The following MAP3K19 variants were observed in gnomAD, a reference collection of about 807,000 sequenced individuals.
The protein encoded by MAP3K19 is mitogen-activated protein kinase kinase kinase 19, also known as SPS1/STE20-related protein kinase YSK4.
MAP3K19 carries 91 observed loss-of-function variants against 114.4 expected under a neutral mutation model. That is an observed-to-expected ratio of 0.80 (90% CI 0.67 to 0.95). The LOEUF is 0.95. MAP3K19 is among the 40% of genes least tolerant of loss of function. MAP3K19 has a pLI of 0.00. For synonymous variants in MAP3K19, 518 were observed against 530.5 expected (o/e 0.98, Z 0.32); for missense variants, 1,471 against 1,573.2 (o/e 0.94, Z 1.10).
At chr2:135,004,327 T>C (rs933855905) in intron 6 of MAP3K19, among the ~76,000 whole-genome samples, 1 of 152,220 alleles carries the variant, frequency 6.6e-6, no homozygotes, top group Non-Finnish European at 1.5e-5. Context: ...TCTTTCAGGC[T>C]TAATGGTTTT....
Position 134,981,372 on chromosome 2 carries a change from A to G in MAP3K19, c.3369T>C (p.Ile1123=). Residue 1123 remains isoleucine, a synonymous_variant, in exon 12 of 13, where the codon ATT becomes ATC. Coordinates refer to ENST00000392915, the MANE Select transcript of MAP3K19 (RefSeq NM_025052.5). ...GCAAGCATGTCCCCAAATAGGCCAC[A>G]ATGTTGACATGTTTCAGTGCTTTGA... The part of the protein sequence containing the change: ...DLLKALKHVN[I]VAYLGTCLQE... 11 of 1,614,188 alleles carry G rather than the reference A, an allele frequency of 6.8e-6. No homozygotes were observed. Among genetic ancestry groups the G allele is most frequent in the South Asian group, 1.1e-5 (1 of 91,086 alleles).
intron 5 of MAP3K19, among the ~76,000 whole-genome samples, chr2:135,014,987 T>C (rs1687485725): frequency 6.6e-6 from 1 of 152,230 alleles, no homozygotes; most frequent in Non-Finnish European, 1.5e-5. Flanking sequence ...GGGGCTATTA[T>C]AATAGTGCTG....
At chr2:134,971,892 C>A (rs1683906893) in intron 12 of MAP3K19, among the ~76,000 whole-genome samples, 1 of 145,948 alleles carries the variant, frequency 6.9e-6, no homozygotes, top group Non-Finnish European at 1.5e-5. Flanking sequence ...GTATTTTTTT[C>A]TGTATTTCAT....
chr2:134,971,847 T>A (rs1683903807), intron 12 of MAP3K19, among the ~76,000 whole-genome samples: 1 of 151,978 alleles, frequency 6.6e-6, no homozygotes, highest in Admixed American at 6.5e-5. Context: ...GATTTTATTT[T>A]TTTTTTAACC....
chr2:135,029,415 A>G (rs1422343699), intron 3 of MAP3K19, among the ~76,000 whole-genome samples: 1 of 152,162 alleles, frequency 6.6e-6, no homozygotes, highest in Non-Finnish European at 1.5e-5. Context: ...TTAGATTACA[A>G]TTACAACTGC....
intron 5 of MAP3K19, among the ~76,000 whole-genome samples, chr2:135,014,529 T>C (rs116832180): frequency 1.2e-3 from 187 of 152,322 alleles, no homozygotes; most frequent in African/African-American, 4.4e-3. Flanking sequence ...GTGTCAGATA[T>C]TTGAAGACAT....
At chr2:134,983,523 G>T (rs1452600951) in intron 11 of MAP3K19, 153 bp downstream of exon 11, 1 of 624,874 alleles carries the variant, frequency 1.6e-6, no homozygotes, top group East Asian at 2.8e-5. Context: ...TCCCTCAGTG[G>T]TTGGATTTTC....
intron 2 of MAP3K19, among the ~76,000 whole-genome samples, chr2:135,038,282 T>C (rs950269475): frequency 5.3e-5 from 8 of 152,082 alleles, no homozygotes; most frequent in Admixed American, 1.3e-4. Flanking sequence ...TATGTGTATG[T>C]ATATATTTGT....
At chr2:134,982,726 G>T (rs571011895) in intron 11 of MAP3K19, among the ~76,000 whole-genome samples, 3 of 152,266 alleles carry the variant, frequency 2.0e-5, no homozygotes, top group African/African-American at 7.2e-5. Flanking sequence ...AATAGAGCTG[G>T]TTCAGCTCCC....
At chr2:134,997,282 A>T (rs915354351) in intron 8 of MAP3K19, among the ~76,000 whole-genome samples, 1 of 152,230 alleles carries the variant, frequency 6.6e-6, no homozygotes, top group Non-Finnish European at 1.5e-5. Context: ...GACCTAGAAT[A>T]GTCAAATTCG....
Position 134,981,533 on chromosome 2 carries a change from A to G in MAP3K19, c.3223-15T>C, listed in dbSNP as rs1466875515. The G allele has an allele frequency of 1.9e-6, 3 of 1,552,534 alleles. No homozygotes were observed. The highest frequency in any genetic ancestry group is 2.6e-6 in the Non-Finnish European group (3 of 1,136,292). On this transcript the variant is annotated splice_polypyrimidine_tract_variant and intron_variant, in intron 11 of 12. Coordinates refer to ENST00000392915, the MANE Select transcript of MAP3K19 (RefSeq NM_025052.5). ...CCACAGTATACCTAGAAGCAAATCA[A>G]TAATACCTTGTTATTAAATTAATGA...
At chr2:134,995,767 G>A (rs1173893994) in intron 8 of MAP3K19, among the ~76,000 whole-genome samples, 1 of 152,050 alleles carries the variant, frequency 6.6e-6, no homozygotes, top group East Asian at 1.9e-4. Context: ...ATTGAATATT[G>A]ATTTTAAAAA....
intron 5 of MAP3K19, among the ~76,000 whole-genome samples, chr2:135,018,672 C>CT (rs1468978134): frequency 6.6e-6 from 1 of 152,094 alleles, no homozygotes; most frequent in Non-Finnish European, 1.5e-5. Flanking sequence ...TTCTTTCTTT[C>CT]TTTTTTTACA....
chr2:135,005,682 G>T, intron 5 of MAP3K19, 151 bp from the exon 6 acceptor site: 1 of 630,174 alleles, frequency 1.6e-6, no homozygotes, highest in South Asian at 1.9e-5. Flanking sequence ...TAATAAGAAA[G>T]TATCTGCCCT....
intron 10 of MAP3K19, among the ~76,000 whole-genome samples, chr2:134,985,484 T>G (rs1193041315): frequency 2.6e-5 from 4 of 152,260 alleles, no homozygotes. Context: ...GGAAATGATA[T>G]GCTGTTGATT....
chr2:134,968,694 C>T lies in MAP3K19; in HGVS notation c.3921-3778G>A, dbSNP rs1683613482. Among the ~76,000 whole-genome samples, 2 of 149,806 alleles carry T rather than the reference C, an allele frequency of 1.3e-5. 1 individual carries two copies. The highest frequency in any genetic ancestry group is 4.3e-4 in the South Asian group (2 of 4,684). ...ACGGGGTCGCGGCCGGGCAGAGGCG[C>T]TCCTTACATCCCAGATGGGGCGGCA... On this transcript the variant is annotated intron_variant, in intron 12 of 12. Coordinates refer to ENST00000392915, the MANE Select transcript of MAP3K19 (RefSeq NM_025052.5).
In MAP3K19 at chr2:134,983,834, A is replaced by G; in HGVS notation, c.3073-9T>C. 3.2e-6 allele frequency: 5 copies of G among 1,551,072 alleles called. No individual in the cohort carries two copies. Among genetic ancestry groups the G allele is most frequent in the Non-Finnish European group, 4.3e-6 (5 of 1,154,070 alleles). The stretch of plus-strand genomic sequence containing the variant: ...AGCCCACTACTATGCCTCTGGAAGA[A>G]TGAGACAAAAGGAAAGATGACCATT... On this transcript the variant is annotated splice_polypyrimidine_tract_variant and intron_variant, in intron 10 of 12. Coordinates refer to ENST00000392915, the MANE Select transcript of MAP3K19 (RefSeq NM_025052.5).
rs537320081 is a variant in MAP3K19 at position 134,967,444 on chromosome 2, C to T, written c.3921-2528G>A. Among the ~76,000 whole-genome samples, 21 of 152,288 alleles carry T rather than the reference C, an allele frequency of 1.4e-4. No homozygotes were observed. In the South Asian group the frequency reaches 4.4e-3, roughly 32 times the overall value. On this transcript the variant is annotated intron_variant, in intron 12 of 12. Coordinates refer to ENST00000392915, the MANE Select transcript of MAP3K19 (RefSeq NM_025052.5). ...GCCTGCCCGTGGGAACTGAATGTAT[C>T]GGTATAAAACCTGATTGTACATTTG...
In MAP3K19 at chr2:134,986,710, GT is replaced by G. The variant is rs771955948; in HGVS notation, c.2161del (p.Thr721HisfsTer3). 3 of 1,613,848 alleles carry G rather than the reference GT, an allele frequency of 1.9e-6. No individual in the cohort carries two copies. The highest frequency in any genetic ancestry group is 2.5e-6 in the Non-Finnish European group (3 of 1,179,986). On this transcript the variant is annotated frameshift_variant, in exon 10 of 13. Transcript: ENST00000392915. LOFTEE classifies it high-confidence loss of function. ...NIRTRLSQKK[T>X]HMKCPKTSFG... ...TGAAGTCTTTGGGCATTTCATATGT[GT>G]TTTTTTCTGAGAAAGTCTTGTTCTG...
Sources: gnomAD v4.1 joint callset for allele counts (sites outside exome capture counted in the v4.1 genomes callset) on GRCh38, gnomAD v4.1.1 for gene constraint, MANE v1.5 for transcripts, NCBI Gene and HGNC (gene_info 2026-07-23, HGNC 2026-07-21) for gene names.